The following FBRSL1 variants were observed in gnomAD, a reference collection of about 807,000 sequenced individuals.
FBRSL1 encodes the protein fibrosin-1-like protein.
In FBRSL1, 51 loss-of-function variants were observed where a neutral mutation model predicts 89.6. The observed-to-expected ratio is 0.57, with a 90% CI of 0.45 to 0.72. FBRSL1 has a LOEUF of 0.72. FBRSL1 is among the 30% of genes least tolerant of loss of function. FBRSL1 has a pLI of 0.00. For missense variants in FBRSL1, 1,618 were observed against 1,451.8 expected (o/e 1.11, Z -1.86); for synonymous variants, 779 against 681.1 (o/e 1.14, Z -2.24).
chr12:132,558,531 C>T (rs1172752772), intron 5 of FBRSL1, among the ~76,000 whole-genome samples: 2 of 152,190 alleles, frequency 1.3e-5, no homozygotes, highest in African/African-American at 2.4e-5. Context: ...GCTTTGGGGG[C>T]GACTTGTTGG....
At position 132,559,077 on chromosome 12, in the gene FBRSL1, A is replaced by G. The variant is rs528861033; in HGVS notation, c.646-8404A>G. ...AGGCGTCTGGTGCGGTCAGGCGCACATAAGCAGCCTTTGCAGGAAGCCGTG... is the reference window on the plus strand; with the variant it reads ...AGGCGTCTGGTGCGGTCAGGCGCACGTAAGCAGCCTTTGCAGGAAGCCGTG... On this transcript the variant is annotated intron_variant, in intron 5 of 18. Coordinates refer to ENST00000680143, the MANE Select transcript of FBRSL1 (RefSeq NM_001367871.1). Among the ~76,000 whole-genome samples the G allele has an allele frequency of 8.5e-5, 13 of 152,376 alleles. No individual in the cohort carries two copies. The South Asian group carries it at 1.2e-3, about 15-fold the overall frequency.
rs1245035964 is a variant in FBRSL1, at chr12:132,533,256, C to T, written c.615+5268C>T. On this transcript the variant is annotated intron_variant, in intron 4 of 18. Transcript: ENST00000680143. Reference sequence around the variant, plus strand: ...AGTCTCCTCCCGACCCAGCCTCTCCCTGGAGTCAGAGAGCCTCAGTCTCCT... The same window carrying T: ...AGTCTCCTCCCGACCCAGCCTCTCCTTGGAGTCAGAGAGCCTCAGTCTCCT... Among the ~76,000 whole-genome samples the T allele has an allele frequency of 1.4e-5, 2 of 144,112 alleles. 1 individual carries two copies. The highest frequency in any genetic ancestry group is 5.3e-5 in the African/African-American group (2 of 37,574). The allele number at this position is 144,112 out of a possible 152,430, so 94.5% of individuals were successfully genotyped here.
At chr12:132,534,018 G>A (rs1034230610) in intron 4 of FBRSL1, among the ~76,000 whole-genome samples, 3 of 152,154 alleles carry the variant, frequency 2.0e-5, no homozygotes, top group East Asian at 1.9e-4. Flanking sequence ...GGCCGTAGAG[G>A]ATGGGAGGCT....
chr12:132,547,905 G>A (rs1400562267), intron 4 of FBRSL1, 98 bp from the exon 5 acceptor site: 26 of 1,349,998 alleles, frequency 1.9e-5, no homozygotes, highest in East Asian at 5.0e-5. Flanking sequence ...AGCCAGGGCC[G>A]CCCCACCCGT....
chr12:132,505,795 C>T (rs1035133482), intron 1 of FBRSL1, among the ~76,000 whole-genome samples: 4 of 152,222 alleles, frequency 2.6e-5, no homozygotes, highest in South Asian at 2.1e-4. Context: ...TGGAAAGCCC[C>T]GGAGTGACCA....
chr12:132,571,674 C>T (rs1423650117), intron 9 of FBRSL1: 4 of 495,988 alleles, frequency 8.1e-6, no homozygotes, highest in Admixed American at 9.3e-5. Flanking sequence ...CGGTCCCCAA[C>T]GTGCCTTCTG....
At chr12:132,531,935 G>A (rs1372155191) in intron 4 of FBRSL1, among the ~76,000 whole-genome samples, 1 of 152,214 alleles carries the variant, frequency 6.6e-6, no homozygotes, top group Admixed American at 6.5e-5. Context: ...CAAGTGTGTG[G>A]TTTGGCCTTC....
At chr12:132,548,694 G>C (rs562834542) in intron 5 of FBRSL1, among the ~76,000 whole-genome samples, 1 of 152,342 alleles carries the variant, frequency 6.6e-6, no homozygotes, top group African/African-American at 2.4e-5. Context: ...GGAGGGCGAG[G>C]AGGCCAGGCA....
chr12:132,546,765 C>T lies in FBRSL1; in HGVS notation c.616-1238C>T, dbSNP rs1486688079. On this transcript the variant is annotated intron_variant, in intron 4 of 18. Coordinates refer to ENST00000680143, the MANE Select transcript of FBRSL1 (RefSeq NM_001367871.1). This position sits in a 1 kb window ranked among gnomAD's most constrained non-coding sequence, Gnocchi z 4.0. ...TTCCCCAGGGGTCCCAGCTGGGGTC[C>T]CACTTGTAGGAGCCACCTGGAGTGT... Among the ~76,000 whole-genome samples, 1 of 152,208 alleles carries T rather than the reference C, an allele frequency of 6.6e-6. No individual in the cohort carries two copies. The highest frequency in any genetic ancestry group is 1.9e-4 in the East Asian group (1 of 5,196).
intron 4 of FBRSL1, among the ~76,000 whole-genome samples, chr12:132,537,876 C>T (rs1296430574): frequency 6.6e-6 from 1 of 152,220 alleles, no homozygotes; most frequent in African/African-American, 2.4e-5. Context: ...AACAAATAAG[C>T]AGCTGATCGG....
intron 13 of FBRSL1, 21 bp downstream of exon 13, chr12:132,574,369 C>G: frequency 6.5e-7 from 1 of 1,549,774 alleles, no homozygotes; most frequent in Non-Finnish European, 8.7e-7. Flanking sequence ...GTTGGGAAGG[C>G]CCGTGGCAAG....
intron 15 of FBRSL1, chr12:132,580,807 C>A: frequency 1.0e-6 from 1 of 985,486 alleles, no homozygotes; most frequent in Non-Finnish European, 1.2e-6. Context: ...AACCTGCTCT[C>A]TGGACCCATG....
At chr12:132,560,112 G>C (rs908286767) in intron 5 of FBRSL1, 1 of 151,644 alleles carries the variant, frequency 6.6e-6, no homozygotes, top group Non-Finnish European at 1.5e-5. Context: ...AGCAGGGCAC[G>C]CGGGGAGAGG....
intron 2 of FBRSL1, chr12:132,509,592 C>T (rs1232452242): frequency 3.7e-5 from 45 of 1,232,142 alleles, no homozygotes; most frequent in Non-Finnish European, 4.4e-5. Context: ...CCGGCGCCTG[C>T]GGTCCCTCCT....
chr12:132,526,390 T>C (rs922599403), intron 3 of FBRSL1, among the ~76,000 whole-genome samples: 17 of 152,228 alleles, frequency 1.1e-4, no homozygotes, highest in African/African-American at 4.1e-4. Flanking sequence ...CTGCCTTGGT[T>C]TGTCCTCTAA....
At chr12:132,492,892 T>C (rs1566088357) in intron 1 of FBRSL1, among the ~76,000 whole-genome samples, 1 of 152,228 alleles carries the variant, frequency 6.6e-6, no homozygotes, top group Non-Finnish European at 1.5e-5. Flanking sequence ...TTGTCTACAT[T>C]TTTTGCCAAA....
intron 4 of FBRSL1, among the ~76,000 whole-genome samples, chr12:132,542,873 A>G (rs2037381382): frequency 6.6e-6 from 1 of 152,218 alleles, no homozygotes; most frequent in Non-Finnish European, 1.5e-5. Flanking sequence ...TGCACTGGGA[A>G]GGGGAGGCAT....
At chr12:132,500,604 A>G (rs532938205) in intron 1 of FBRSL1, among the ~76,000 whole-genome samples, 1 of 152,146 alleles carries the variant, frequency 6.6e-6, no homozygotes, top group Non-Finnish European at 1.5e-5. Flanking sequence ...AGTTTCCTGA[A>G]TCCGACCTCA....
At position 132,570,592 on chromosome 12, in the gene FBRSL1, G is replaced by T; in HGVS notation, c.1213+52G>T. 4.3e-6 allele frequency: 6 copies of T among 1,405,816 alleles called. No individual in the cohort carries two copies. The South Asian group carries it at 7.3e-5, about 17-fold the overall frequency. The allele number at this position is 1,405,816 out of a possible 1,614,324, so 87.1% of individuals were successfully genotyped here. A position where few individuals can be genotyped will look rare whatever the true frequency, so the allele number is the denominator to read the frequency against. Reference sequence around the variant, plus strand: ...CAGGGCAGGGGTTGGGGGGTGCGGGGACACGGCCACCGGGGAGGGGCGCAC... The same window carrying T: ...CAGGGCAGGGGTTGGGGGGTGCGGGTACACGGCCACCGGGGAGGGGCGCAC... On this transcript the variant is annotated intron_variant, in intron 8 of 18. Transcript: ENST00000680143.
Sources: gnomAD v4.1 joint callset for allele counts (sites outside exome capture counted in the v4.1 genomes callset) on GRCh38, gnomAD v4.1.1 for gene constraint, Gnocchi (gnomAD v3.1) non-coding constraint, MANE v1.5 for transcripts, NCBI Gene and HGNC (gene_info 2026-07-23, HGNC 2026-07-21) for gene names.